PCNX2: variants seen among roughly 807,000 people sequenced by gnomAD.
PCNX2 encodes pecanex-like protein 2.
Under a neutral mutation model 223.8 loss-of-function variants are expected in PCNX2, and 168 were observed. The observed-to-expected ratio is 0.75, with a 90% CI of 0.66 to 0.85. PCNX2 has a LOEUF of 0.85. PCNX2 is among the 40% of genes least tolerant of loss of function. The pLI, the probability that PCNX2 is intolerant of heterozygous loss-of-function variation, is 0.00. For synonymous variants in PCNX2, 1,006 were observed against 1,052.6 expected, an observed-to-expected ratio of 0.96 and a Z score of 0.86; for missense variants, 2,507 against 2,675.5, an observed-to-expected ratio of 0.94 and a Z score of 1.39.
chr1:233,082,232 G>C (rs543828703), intron 23 of PCNX2, among the ~76,000 whole-genome samples: 5 of 152,074 alleles, frequency 3.3e-5, no homozygotes, highest in African/African-American at 1.2e-4. Context: ...GAATATATTA[G>C]AGAAGATGAG....
At chr1:233,145,154 G>C (rs1677368519) in intron 19 of PCNX2, among the ~76,000 whole-genome samples, 1 of 151,900 alleles carries the variant, frequency 6.6e-6, no homozygotes, top group Non-Finnish European at 1.5e-5. Context: ...TTTTAGTAGA[G>C]ACGGTGTTTC....
chr1:233,122,073 TACACACACACACAC>T (rs3033285), intron 21 of PCNX2, among the ~76,000 whole-genome samples: 1 of 131,486 alleles, frequency 7.6e-6, no homozygotes, highest in Admixed American at 7.7e-5. Context: ...AGTTAGAAAG[TACACACACACACAC>T]ACACACACAC....
intron 23 of PCNX2, 184 bp from the exon 24 acceptor site, chr1:233,057,474 C>T: frequency 6.9e-6 from 4 of 577,546 alleles, no homozygotes; most frequent in Non-Finnish European, 1.3e-5. Flanking sequence ...ATAGAGGGAG[C>T]AGTACAAGAA....
At chr1:233,083,869 T>C (rs1281203541) in intron 23 of PCNX2, among the ~76,000 whole-genome samples, 4 of 152,192 alleles carry the variant, frequency 2.6e-5, no homozygotes, top group East Asian at 1.9e-4. Context: ...TCATTTCCCC[T>C]GTTGATTTGA....
At chr1:233,238,573 G>C (rs184498448) in intron 8 of PCNX2, among the ~76,000 whole-genome samples, 11 of 151,812 alleles carry the variant, frequency 7.2e-5, no homozygotes, top group Admixed American at 3.9e-4. Context: ...CATGCCTGTA[G>C]TCCCAGCTAC....
intron 21 of PCNX2, among the ~76,000 whole-genome samples, chr1:233,096,825 C>A (rs956778197): frequency 2.0e-5 from 3 of 152,148 alleles, no homozygotes; most frequent in Non-Finnish European, 2.9e-5. Flanking sequence ...AAGGGTTGGG[C>A]AATGGGGCCA....
chr1:232,985,204 C>T (rs1272302596), intron 33 of PCNX2: 5 of 152,202 alleles, frequency 3.3e-5, no homozygotes, highest in Admixed American at 2.6e-4. Context: ...GCGGCCGGCC[C>T]AGCCTTGGCT....
At chr1:233,019,383 T>C (rs181789897) in intron 26 of PCNX2, among the ~76,000 whole-genome samples, 5 of 152,132 alleles carry the variant, frequency 3.3e-5, no homozygotes, top group African/African-American at 1.2e-4. Context: ...ATAACCATCC[T>C]GGCCTCAGGA....
chr1:233,143,027 G>T (rs1183089658), intron 19 of PCNX2, among the ~76,000 whole-genome samples: 3 of 152,092 alleles, frequency 2.0e-5, no homozygotes, highest in Non-Finnish European at 4.4e-5. Context: ...CTTCCATGCT[G>T]ATGACACTCA....
chr1:233,277,599 T>C (rs1660981351), intron 1 of PCNX2, among the ~76,000 whole-genome samples: 1 of 152,142 alleles, frequency 6.6e-6, no homozygotes. Flanking sequence ...AAGGGCTCAC[T>C]CAGGTAAGCT....
intron 23 of PCNX2, among the ~76,000 whole-genome samples, chr1:233,069,384 C>A (rs1242391700): frequency 6.6e-6 from 1 of 152,148 alleles, no homozygotes; most frequent in African/African-American, 2.4e-5. Context: ...ACTGCACACT[C>A]CACCCAACAA....
chr1:233,261,913 GA>G, intron 3 of PCNX2, 131 bp downstream of exon 3: 1 of 1,376,088 alleles, frequency 7.3e-7, no homozygotes, highest in South Asian at 1.2e-5. Flanking sequence ...CCTGGGATGT[GA>G]TATTCCACTG....
At chr1:233,097,268 A>C (rs1319449284) in intron 21 of PCNX2, among the ~76,000 whole-genome samples, 4 of 151,972 alleles carry the variant, frequency 2.6e-5, no homozygotes, top group African/African-American at 7.3e-5. Flanking sequence ...AGAATGGAAG[A>C]ATGATAGGGA....
intron 19 of PCNX2, among the ~76,000 whole-genome samples, chr1:233,148,569 T>C (rs369747577): frequency 1.7e-4 from 26 of 152,088 alleles, no homozygotes; most frequent in African/African-American, 6.3e-4. Flanking sequence ...CCAGGCTAAT[T>C]TTTTGTATTT....
chr1:233,240,175 T>C (rs1046118631), intron 8 of PCNX2, among the ~76,000 whole-genome samples: 4 of 152,138 alleles, frequency 2.6e-5, no homozygotes, highest in African/African-American at 4.8e-5. Flanking sequence ...GTCCTGATAG[T>C]GTAGTTATAA....
Position 233,248,100 on chromosome 1 carries a change from T to G in PCNX2, c.2222+2639A>C, listed in dbSNP as rs530475142. Among the ~76,000 whole-genome samples, 3 of 152,260 alleles carry G rather than the reference T, an allele frequency of 2.0e-5. No homozygotes were observed. In the South Asian group the frequency reaches 6.2e-4, roughly 32 times the overall value. ...GTGACTAGGGCCATTCAATAAAGAT[T>G]TTCTTCAAGGGGAAAGTTGCTTGCA... On this transcript the variant is annotated intron_variant, in intron 8 of 33. Transcript: ENST00000258229.
At position 233,252,461 on chromosome 1, in the gene PCNX2, A is replaced by G. The variant is rs552281110; in HGVS notation, c.2021T>C (p.Val674Ala). Residue 674 changes from valine to alanine, a missense_variant, in exon 7 of 34, where the codon GTA becomes GCA. Around this residue, in one of 3 missense-constraint regions of PCNX2, gnomAD observed 1,031 missense variants for 1,021.7 expected, o/e 1.01. Transcript: ENST00000258229. ...GNRQRQIIYR[V>A]TSQQDSSVLQ... The stretch of plus-strand genomic sequence containing the variant: ...GACAGAACTATCTTGTTGGGAAGTT[A>G]CCCTGTAGATTATCTGTCTTTGTCT... 6 of 1,613,440 alleles carry G rather than the reference A, an allele frequency of 3.7e-6. No individual in the cohort carries two copies. In the African/African-American group the frequency reaches 8.0e-5, roughly 21 times the overall value.
chr1:233,057,147 TAC>T, intron 24 of PCNX2, 83 bp downstream of exon 24: 1 of 1,145,774 alleles, frequency 8.7e-7, no homozygotes, highest in East Asian at 2.5e-5. Context: ...CCACAATGAG[TAC>T]AGAGTGAGTA....
intron 19 of PCNX2, among the ~76,000 whole-genome samples, chr1:233,146,253 A>G (rs368193388): frequency 2.0e-5 from 3 of 152,296 alleles, no homozygotes; most frequent in East Asian, 3.9e-4. Context: ...AAGGGTAGGT[A>G]CTATGTACCT....
Sources: gnomAD v4.1 joint callset for allele counts (sites outside exome capture counted in the v4.1 genomes callset) on GRCh38, gnomAD v4.1.1 for gene constraint, gnomAD v4.1.1 regional missense constraint, MANE v1.5 for transcripts, NCBI Gene and HGNC (gene_info 2026-07-23, HGNC 2026-07-21) for gene names.